Variants in RAB2A observed in about 807,000 individuals in gnomAD.
RAB2A encodes the protein ras-related protein Rab-2A.
Under a neutral mutation model 32.5 loss-of-function variants are expected in RAB2A, and 7 were observed. The ratio of observed to expected loss-of-function variants is 0.22; its 90% CI spans 0.12 to 0.40. The LOEUF is 0.40. Ranked by LOEUF, RAB2A falls within the 10% of genes least tolerant of loss-of-function variation. The pLI, the probability that RAB2A is intolerant of heterozygous loss-of-function variation, is 1.00. For synonymous variants in RAB2A, 79 were observed against 85.2 expected (o/e 0.93, Z 0.40); for missense variants, 108 against 260.7 (o/e 0.41, Z 4.03).
At chr8:60,606,742 A>T (rs1804237795) in intron 6 of RAB2A, among the ~76,000 whole-genome samples, 1 of 152,236 alleles carries the variant, frequency 6.6e-6, no homozygotes, top group African/African-American at 2.4e-5. Flanking sequence ...TTTTTCTAAC[A>T]GTTGCCCAAG....
intron 3 of RAB2A, among the ~76,000 whole-genome samples, chr8:60,577,498 C>T (rs1377231338): frequency 6.6e-6 from 1 of 152,138 alleles, no homozygotes; most frequent in African/African-American, 2.4e-5. Context: ...GCTGTGTACA[C>T]TAAGACAGCC....
chr8:60,540,636 C>T (rs78872886), intron 1 of RAB2A, among the ~76,000 whole-genome samples: 22,804 of 152,130 alleles, frequency 0.15, 1,851 homozygotes, highest in East Asian at 0.26. Flanking sequence ...TGTGCCACCA[C>T]GCCTGGCTAA....
chr8:60,562,839 C>T (rs867769315), intron 2 of RAB2A, among the ~76,000 whole-genome samples: 1 of 152,116 alleles, frequency 6.6e-6, no homozygotes, highest in African/African-American at 2.4e-5. Flanking sequence ...CTTGCCACTA[C>T]CACTTATGTA....
intron 3 of RAB2A, among the ~76,000 whole-genome samples, chr8:60,575,916 A>C (rs946539724): frequency 6.6e-6 from 1 of 152,022 alleles, no homozygotes. Context: ...CAGCCTCCCA[A>C]AGTGCTGGGA....
intron 1 of RAB2A, among the ~76,000 whole-genome samples, chr8:60,551,488 A>G (rs889667849): frequency 6.6e-6 from 1 of 152,222 alleles, no homozygotes; most frequent in Non-Finnish European, 1.5e-5. Flanking sequence ...CTTACAGTGG[A>G]TTAACTTATT....
intron 3 of RAB2A, among the ~76,000 whole-genome samples, chr8:60,577,711 C>A (rs888280888): frequency 6.6e-6 from 1 of 151,936 alleles, no homozygotes; most frequent in Admixed American, 6.5e-5. Context: ...GCAAGCTTCG[C>A]CTGCCGGGTT....
chr8:60,605,104 C>T (rs974057702), intron 6 of RAB2A, among the ~76,000 whole-genome samples: 1 of 152,142 alleles, frequency 6.6e-6, no homozygotes, highest in Non-Finnish European at 1.5e-5. Context: ...GGACACTACT[C>T]CCTGCATCCC....
At chr8:60,569,130 T>C (rs1264538861) in intron 2 of RAB2A, among the ~76,000 whole-genome samples, 1 of 152,220 alleles carries the variant, frequency 6.6e-6, no homozygotes, top group Non-Finnish European at 1.5e-5. Flanking sequence ...TTAAAGTGTG[T>C]TTGTTTTCGC....
intron 3 of RAB2A, among the ~76,000 whole-genome samples, chr8:60,582,058 G>C (rs1488600146): frequency 6.6e-6 from 1 of 150,852 alleles, no homozygotes; most frequent in African/African-American, 2.4e-5. Flanking sequence ...TGATCCTCCT[G>C]CTTCAGCCTC....
At chr8:60,579,010 G>A (rs1006769244) in intron 3 of RAB2A, among the ~76,000 whole-genome samples, 1 of 151,974 alleles carries the variant, frequency 6.6e-6, no homozygotes, top group Non-Finnish European at 1.5e-5. Flanking sequence ...GCATCTCTGA[G>A]TATTTTGTGA....
At chr8:60,579,012 A>T (rs1803689037) in intron 3 of RAB2A, among the ~76,000 whole-genome samples, 1 of 151,872 alleles carries the variant, frequency 6.6e-6, no homozygotes, top group Non-Finnish European at 1.5e-5. Flanking sequence ...ATCTCTGAGT[A>T]TTTTGTGAAT....
chr8:60,543,898 C>T (rs1378270823), intron 1 of RAB2A, among the ~76,000 whole-genome samples: 1 of 151,654 alleles, frequency 6.6e-6, no homozygotes, highest in Non-Finnish European at 1.5e-5. Context: ...CCCGTCTCTA[C>T]TAAAAATACG....
In RAB2A at chr8:60,571,238, T is replaced by G. The variant is rs973840883; in HGVS notation, c.119-808T>G. Among the ~76,000 whole-genome samples, 7 of 152,214 alleles carry G rather than the reference T, an allele frequency of 4.6e-5. No individual in the cohort carries two copies. In the South Asian group the frequency reaches 1.0e-3, roughly 23 times the overall value. On this transcript the variant is annotated intron_variant, in intron 2 of 7. Coordinates refer to ENST00000262646, the MANE Select transcript of RAB2A (RefSeq NM_002865.3). ...CTATTTCTTATAATTTGCCTAAAATTATAGTAAGTTGAAAAATGTATGCAG... is the reference window on the plus strand; with the variant it reads ...CTATTTCTTATAATTTGCCTAAAATGATAGTAAGTTGAAAAATGTATGCAG...
At chr8:60,604,752 GT>G (rs1377334010) in intron 6 of RAB2A, among the ~76,000 whole-genome samples, 1 of 152,202 alleles carries the variant, frequency 6.6e-6, no homozygotes, top group Non-Finnish European at 1.5e-5. Context: ...ATGTGGCCTG[GT>G]TGCCTCTAAT....
intron 1 of RAB2A, among the ~76,000 whole-genome samples, chr8:60,542,644 C>G (rs1256544822): frequency 6.6e-6 from 1 of 152,022 alleles, no homozygotes; most frequent in Admixed American, 6.5e-5. Context: ...TGGTCTCATC[C>G]CAGAAGTGTT....
intron 1 of RAB2A, among the ~76,000 whole-genome samples, chr8:60,546,065 A>G (rs2130820548): frequency 6.6e-6 from 1 of 152,348 alleles, no homozygotes; most frequent in East Asian, 1.9e-4. Context: ...CTGTAGTGTA[A>G]GATAAAAGTT....
intron 6 of RAB2A, among the ~76,000 whole-genome samples, chr8:60,596,854 G>C (rs1029290686): frequency 6.6e-6 from 1 of 152,170 alleles, no homozygotes; most frequent in Non-Finnish European, 1.5e-5. Flanking sequence ...CCAGGAGGCG[G>C]AGCTTGCAGT....
intron 6 of RAB2A, among the ~76,000 whole-genome samples, chr8:60,617,329 A>T (rs1480869933): frequency 6.6e-6 from 1 of 152,188 alleles, no homozygotes; most frequent in African/African-American, 2.4e-5. Flanking sequence ...TTCTCTCTTT[A>T]TCGTAAGCGT....
intron 6 of RAB2A, among the ~76,000 whole-genome samples, chr8:60,611,971 A>G (rs910650440): frequency 2.0e-5 from 3 of 152,116 alleles, no homozygotes; most frequent in Non-Finnish European, 4.4e-5. Flanking sequence ...AAAATAAACA[A>G]CTATTTTTTT....
Sources: gnomAD v4.1 joint callset for allele counts (sites outside exome capture counted in the v4.1 genomes callset) on GRCh38, gnomAD v4.1.1 for gene constraint, MANE v1.5 for transcripts, NCBI Gene and HGNC (gene_info 2026-07-23, HGNC 2026-07-21) for gene names.